The following RTN1 variants were observed in gnomAD, a reference collection of about 807,000 sequenced individuals.
RTN1 encodes reticulon 1, also known as reticulon-1.
A neutral mutation model predicts 65.5 loss-of-function variants in RTN1; 25 were observed. The observed-to-expected ratio is 0.38, with a 90% CI of 0.28 to 0.53. RTN1 has a LOEUF of 0.53. RTN1 is among the 20% of genes least tolerant of loss of function. RTN1 has a pLI of 0.79. For missense variants in RTN1, 983 were observed against 1,025.4 expected (o/e 0.96, Z 0.57); for synonymous variants, 471 against 447.6 (o/e 1.05, Z -0.66).
At chr14:59,749,995 A>ATATTATATACATATATATTATATAT (rs1362103823) in intron 1 of RTN1, among the ~76,000 whole-genome samples, 2 of 62,158 alleles carry the variant, frequency 3.2e-5, no homozygotes, top group Non-Finnish European at 5.6e-5. Flanking sequence ...TTATATACAT[A>ATATTATATACATATATATTATATAT]TATATTATAT....
chr14:59,673,268 G>A (rs1295020374), intron 3 of RTN1, among the ~76,000 whole-genome samples: 2 of 152,144 alleles, frequency 1.3e-5, no homozygotes, highest in Admixed American at 1.3e-4. Flanking sequence ...TTCCGTGAGT[G>A]GGAGGGAGTG....
At chr14:59,834,881 T>C (rs761389625) in intron 1 of RTN1, among the ~76,000 whole-genome samples, 2 of 152,184 alleles carry the variant, frequency 1.3e-5, no homozygotes, top group Non-Finnish European at 2.9e-5. Context: ...TGTGAAGAAA[T>C]TGAACTCTTG....
rs564927099 is a variant in RTN1, at chr14:59,641,222, C to T, written c.1766-33730G>A. On this transcript the variant is annotated intron_variant, in intron 3 of 8. Transcript: ENST00000267484. ...GGTTTGGGACATCCACCCACCTTGG[C>T]CTCCCAAGTGTTAGGATTACAGGTA... Among the ~76,000 whole-genome samples, 31 of 152,302 alleles carry T rather than the reference C, an allele frequency of 2.0e-4. No homozygotes were observed. In the South Asian group the frequency reaches 6.2e-3, roughly 31 times the overall value.
chr14:59,746,721 C>T (rs1885236776), intron 1 of RTN1, among the ~76,000 whole-genome samples: 1 of 152,110 alleles, frequency 6.6e-6, no homozygotes, highest in Non-Finnish European at 1.5e-5. Flanking sequence ...ACTGCCAGGA[C>T]CAGATAAGTT....
chr14:59,730,350 C>T lies in RTN1; in HGVS notation c.1016-2682G>A, dbSNP rs114584043. Among the ~76,000 whole-genome samples, 1,016 of 152,248 alleles carry T rather than the reference C, an allele frequency of 6.7e-3. 15 individuals are homozygous for T. Among genetic ancestry groups the T allele is most frequent in the African/African-American group, 0.024 (991 of 41,534 alleles). ...AAAAAGAATGAAATTAAACCCCTAC[C>T]TCATGTTGTATTTTAAAATTTCCTT... On this transcript the variant is annotated intron_variant, in intron 2 of 8. Coordinates refer to ENST00000267484, the MANE Select transcript of RTN1 (RefSeq NM_021136.3).
intron 1 of RTN1, among the ~76,000 whole-genome samples, chr14:59,861,436 G>A (rs747118217): frequency 3.3e-5 from 5 of 152,088 alleles, no homozygotes; most frequent in African/African-American, 7.2e-5. Context: ...GCCCAGTCTC[G>A]GGTATCTCTT....
At chr14:59,674,318 C>A (rs1402955496) in intron 3 of RTN1, among the ~76,000 whole-genome samples, 1 of 152,146 alleles carries the variant, frequency 6.6e-6, no homozygotes, top group Non-Finnish European at 1.5e-5. Flanking sequence ...TCTAATTTAA[C>A]AAGCAGTGAT....
At chr14:59,797,591 C>G (rs1254713825) in intron 1 of RTN1, among the ~76,000 whole-genome samples, 1 of 152,176 alleles carries the variant, frequency 6.6e-6, no homozygotes, top group African/African-American at 2.4e-5. Flanking sequence ...ACCTACATGG[C>G]AGGACATTGG....
At chr14:59,644,291 T>C (rs1882843135) in intron 3 of RTN1, among the ~76,000 whole-genome samples, 1 of 152,274 alleles carries the variant, frequency 6.6e-6, no homozygotes, top group Admixed American at 6.5e-5. Flanking sequence ...CAAGGCAGGA[T>C]GATCACTTAC....
chr14:59,817,364 A>T (rs538078734), intron 1 of RTN1, among the ~76,000 whole-genome samples: 2 of 152,334 alleles, frequency 1.3e-5, no homozygotes, highest in African/African-American at 4.8e-5. Flanking sequence ...TAAAAAAGAC[A>T]CTAAACAAGA....
intron 3 of RTN1, among the ~76,000 whole-genome samples, chr14:59,666,828 C>T (rs763866490): frequency 2.0e-5 from 3 of 151,898 alleles, no homozygotes; most frequent in African/African-American, 4.8e-5. Context: ...CACAAATAAA[C>T]TAGAAAATCT....
At chr14:59,630,499 G>A (rs1361923446) in intron 3 of RTN1, 3 of 1,613,834 alleles carry the variant, frequency 1.9e-6, no homozygotes, top group Admixed American at 1.7e-5. Flanking sequence ...ATCGGCAGTG[G>A]CCTGCATCGT....
intron 1 of RTN1, among the ~76,000 whole-genome samples, chr14:59,751,191 C>T (rs1186848611): frequency 6.6e-5 from 6 of 90,812 alleles, no homozygotes; most frequent in African/African-American, 1.4e-4. Flanking sequence ...CTCATTATAC[C>T]TTTTTTTTTT....
intron 1 of RTN1, among the ~76,000 whole-genome samples, chr14:59,819,252 C>T (rs1449341907): frequency 6.6e-6 from 1 of 151,926 alleles, no homozygotes; most frequent in Non-Finnish European, 1.5e-5. Flanking sequence ...AACTAACCTT[C>T]CACATTATGG....
At chr14:59,638,791 C>T (rs1052195367) in intron 3 of RTN1, among the ~76,000 whole-genome samples, 2 of 152,190 alleles carry the variant, frequency 1.3e-5, no homozygotes, top group African/African-American at 4.8e-5. Context: ...GGTCTTCTAA[C>T]CAGACCACTG....
At chr14:59,701,287 G>A (rs1884172382) in intron 3 of RTN1, among the ~76,000 whole-genome samples, 1 of 152,138 alleles carries the variant, frequency 6.6e-6, no homozygotes, top group Non-Finnish European at 1.5e-5. Flanking sequence ...TAAACATAGA[G>A]TTATCTTATT....
At chr14:59,705,257 C>T (rs1233742657) in intron 3 of RTN1, among the ~76,000 whole-genome samples, 1 of 152,168 alleles carries the variant, frequency 6.6e-6, no homozygotes, top group Non-Finnish European at 1.5e-5. Flanking sequence ...CCCCCTACCC[C>T]AACTTTGCAG....
chr14:59,781,602 C>T (rs568123743), intron 1 of RTN1, among the ~76,000 whole-genome samples: 1 of 152,208 alleles, frequency 6.6e-6, no homozygotes, highest in Non-Finnish European at 1.5e-5. Context: ...ATAAATATTC[C>T]ATTCTGGCCA....
chr14:59,870,699 C>G lies in RTN1; in HGVS notation c.-69G>C. ...GAGGCTCGGTGGCTGCGCGGGCGCTCCCTGCTGCTGTCCCCGGAGGGACTC... is the reference window on the plus strand; with the variant it reads ...GAGGCTCGGTGGCTGCGCGGGCGCTGCCTGCTGCTGTCCCCGGAGGGACTC... On this transcript the variant is annotated 5_prime_UTR_variant, in exon 1 of 9. Coordinates refer to ENST00000267484, the MANE Select transcript of RTN1 (RefSeq NM_021136.3). The surrounding 1 kb of genome is among the most constrained non-coding windows in gnomAD (Gnocchi z 5.1). 1 of 1,301,168 alleles carries G rather than the reference C, an allele frequency of 7.7e-7. No homozygotes were observed. Among genetic ancestry groups the G allele is most frequent in the African/African-American group, 1.6e-5 (1 of 64,304 alleles). 80.6% of individuals were successfully genotyped at this position (1,301,168 alleles called of 1,614,324 possible).
Sources: allele counts gnomAD v4.1 joint callset (sites outside exome capture counted in the v4.1 genomes callset), GRCh38; gene constraint gnomAD v4.1.1; non-coding constraint Gnocchi (gnomAD v3.1); transcripts MANE v1.5; gene names NCBI Gene and HGNC (gene_info 2026-07-23, HGNC 2026-07-21).